Variants in IRF4 observed in about 807,000 individuals in gnomAD.
IRF4 encodes the protein interferon regulatory factor 4, also known as lymphocyte-specific interferon regulatory factor.
A neutral mutation model predicts 55.5 loss-of-function variants in IRF4; 13 were observed. That is an observed-to-expected ratio of 0.23 (90% confidence interval 0.15 to 0.37). The LOEUF is 0.37. Ranked by LOEUF, IRF4 falls within the 10% of genes least tolerant of loss-of-function variation. IRF4 has a pLI of 1.00. For missense variants in IRF4, 397 were observed against 593.8 expected, an observed-to-expected ratio of 0.67 and a Z score of 3.44; for synonymous variants, 249 against 240.7, an observed-to-expected ratio of 1.03 and a Z score of -0.32.
intron 5 of IRF4, among the ~76,000 whole-genome samples, chr6:398,302 G>A (rs567547636): frequency 7.9e-5 from 12 of 152,340 alleles, no homozygotes; most frequent in African/African-American, 2.2e-4. Context: ...AGTAAATGAA[G>A]CAGCAGCAAG....
rs1305265127 is a variant in IRF4 at position 408,812 on chromosome 6, C to T, written c.*1214C>T. The T allele has an allele frequency of 1.3e-5, 3 of 233,956 alleles. No homozygotes were observed. The Admixed American group carries it at 1.7e-4, about 13-fold the overall frequency. The allele number at this position is 233,956 out of a possible 1,614,324, so 14.5% of individuals were successfully genotyped here. A position where few individuals can be genotyped will look rare whatever the true frequency, so the allele number is the denominator to read the frequency against. ...ACCACTGGAAGCAGGATGGAGCTGA[C>T]TACGGAACTGCACACTCAGTGGGCT... On this transcript the variant is annotated 3_prime_UTR_variant, in exon 9 of 9. Transcript: ENST00000380956.
At chr6:400,834 T>G (rs1761377741) in intron 6 of IRF4, among the ~76,000 whole-genome samples, 1 of 152,108 alleles carries the variant, frequency 6.6e-6, no homozygotes, top group South Asian at 2.1e-4. Context: ...TTTACCTAAA[T>G]GATGTCATGT....
intron 3 of IRF4, among the ~76,000 whole-genome samples, 157 bp from the exon 4 acceptor site, chr6:395,690 A>T (rs1249071712): frequency 1.3e-5 from 2 of 152,266 alleles, no homozygotes; most frequent in Admixed American, 1.3e-4. Context: ...ATGAAAAAAT[A>T]ACTTCCCAAG....
chr6:392,713 T>C (rs1761139527), intron 1 of IRF4, among the ~76,000 whole-genome samples: 1 of 151,570 alleles, frequency 6.6e-6, no homozygotes, highest in Non-Finnish European at 1.5e-5. Context: ...AGAAGCGGGT[T>C]GGGAGTGAGC....
rs775948276 is a variant in IRF4 at position 405,037 on chromosome 6, C to G, written c.1119C>G (p.His373Gln). 2 of 1,613,674 alleles carry G rather than the reference C, an allele frequency of 1.2e-6. No individual in the cohort carries two copies. The highest frequency in any genetic ancestry group is 1.7e-6 in the Non-Finnish European group (2 of 1,179,594). ...CTACAGAGCTGCAAGCGTTTGCTCA[C>G]CACGGCCGCTCCCTGCCAAGATTCC... ...QFLSELQAFAHHGRSLPRFQV... is the reference protein window; with the variant it reads ...QFLSELQAFAQHGRSLPRFQV... The change falls in exon 8 of 9, where the codon CAC (histidine) becomes CAG (glutamine). Residue 373 changes from histidine (H) to glutamine (Q), a missense_variant. By Grantham distance (24) the His-to-Gln change is conservative. This residue lies in a region of IRF4 where 341 missense variants were observed against 548.1 expected (regional missense o/e 0.62). Coordinates refer to ENST00000380956, the MANE Select transcript of IRF4 (RefSeq NM_002460.4).
Position 401,784 on chromosome 6 carries a change from C to T in IRF4, c.1099+7C>T, listed in dbSNP as rs1157303018. 2.5e-6 allele frequency: 4 copies of T among 1,612,270 alleles called. No homozygotes were observed. The highest frequency in any genetic ancestry group is 3.4e-6 in the Non-Finnish European group (4 of 1,178,490). ...ACACAGCAGTTCTTGTCAGGTAAGG[C>T]ACCTCGTTATCTGTTAGAATGGAGG... On this transcript the variant is annotated splice_region_variant and intron_variant, in intron 7 of 8. Transcript: ENST00000380956.
chr6:409,799 C>T lies in IRF4; in HGVS notation c.*2201C>T. 1 of 225,146 alleles carries T rather than the reference C, an allele frequency of 4.4e-6. No individual in the cohort carries two copies. The highest frequency in any genetic ancestry group is 1.3e-3 in the Middle Eastern group (1 of 752). The allele number at this position is 225,146 out of a possible 1,614,324, so 13.9% of individuals were successfully genotyped here. A position where few individuals can be genotyped will look rare whatever the true frequency, so the allele number is the denominator to read the frequency against. On this transcript the variant is annotated 3_prime_UTR_variant, in exon 9 of 9. Transcript: ENST00000380956. ...CCACACAGCACTTCAAAGAAGCTGT[C>T]TTGGAAGTCTGTCTCAGGAGCACCC... is the stretch of plus-strand genomic sequence containing the variant.
chr6:408,349 C>T lies in IRF4; in HGVS notation c.*751C>T, dbSNP rs1561721363. 1.7e-5 allele frequency: 4 copies of T among 231,796 alleles called. No homozygotes were observed. The highest frequency in any genetic ancestry group is 8.8e-5 in the African/African-American group (4 of 45,254). 14.4% of individuals were successfully genotyped at this position (231,796 alleles called of 1,614,324 possible). A position where few individuals can be genotyped will look rare whatever the true frequency, so the allele number is the denominator to read the frequency against. Reference sequence around the variant, plus strand: ...AGCCTTGGGGAGGCCCATCCCCCACCTGCCAGCGGTTTCCTGGTGTGGGTC... The same window carrying T: ...AGCCTTGGGGAGGCCCATCCCCCACTTGCCAGCGGTTTCCTGGTGTGGGTC... On this transcript the variant is annotated 3_prime_UTR_variant, in exon 9 of 9. Transcript: ENST00000380956.
intron 6 of IRF4, among the ~76,000 whole-genome samples, chr6:399,280 C>T (rs889965300): frequency 6.6e-6 from 1 of 152,164 alleles, no homozygotes; most frequent in Non-Finnish European, 1.5e-5. Context: ...GGAATAATTG[C>T]TTGGAAGTGT....
chr6:396,851 C>T (rs1390632645), intron 4 of IRF4, among the ~76,000 whole-genome samples: 2 of 105,770 alleles, frequency 1.9e-5, no homozygotes, highest in South Asian at 4.2e-4. Context: ...CCTTTACCCC[C>T]GTCTCAATGC....
rs34318727 is a variant in IRF4, at chr6:397,261, G to A, written c.637+9G>A. On this transcript the variant is annotated intron_variant, in intron 5 of 8. Transcript: ENST00000380956. ...CCCAGCTTGTGAAAATGGTAAGGAG[G>A]ATACCAGTGCAGGAAATAGAAGAGC... 0.067 allele frequency: 108,214 copies of A among 1,613,628 alleles called. 3,854 individuals carry two copies. Among genetic ancestry groups the A allele is most frequent in the Middle Eastern group, 0.092 (555 of 6,054 alleles).
intron 8 of IRF4, 45 bp from the exon 9 acceptor site, chr6:407,410 T>C (rs747486362): frequency 2.6e-6 from 4 of 1,564,518 alleles, no homozygotes; most frequent in Non-Finnish European, 3.5e-6. Flanking sequence ...AGTGAGCCAG[T>C]TGCAGGATAT....
rs1366205637 is a variant in IRF4 at position 410,626 on chromosome 6, C to CG, written c.*3029dup. On this transcript the variant is annotated 3_prime_UTR_variant, in exon 9 of 9. Coordinates refer to ENST00000380956, the MANE Select transcript of IRF4 (RefSeq NM_002460.4). ...AACAACTCTGGGAGTCTTGGGTACT[C>CG]GCACCTCTTGGCTTTGTTGATGCTC... The CG allele has an allele frequency of 8.7e-6, 2 of 231,006 alleles. No individual in the cohort carries two copies. The highest frequency in any genetic ancestry group is 1.7e-5 in the Non-Finnish European group (2 of 116,696). 14.3% of individuals were successfully genotyped at this position (231,006 alleles called of 1,614,324 possible).
intron 6 of IRF4, among the ~76,000 whole-genome samples, chr6:399,502 TA>T (rs11428766): frequency 1.2e-4 from 18 of 144,340 alleles, no homozygotes; most frequent in East Asian, 2.0e-4. Context: ...GTTTTATTTC[TA>T]AAAAAAAAAA....
In IRF4 at chr6:408,468, T is replaced by C. The variant is rs1761610803; in HGVS notation, c.*870T>C. 1 of 229,924 alleles carries C rather than the reference T, an allele frequency of 4.3e-6. No homozygotes were observed. Among genetic ancestry groups the C allele is most frequent in the African/African-American group, 2.2e-5 (1 of 45,288 alleles). 14.2% of individuals were successfully genotyped at this position (229,924 alleles called of 1,614,324 possible). A position where few individuals can be genotyped will look rare whatever the true frequency, so the allele number is the denominator to read the frequency against. Reference sequence around the variant, plus strand: ...TCCTATTTTCTTGAGTCAAAAAACATGAGCGCTACTCTTGGATGGGACATT... The same window carrying C: ...TCCTATTTTCTTGAGTCAAAAAACACGAGCGCTACTCTTGGATGGGACATT... On this transcript the variant is annotated 3_prime_UTR_variant, in exon 9 of 9. Transcript: ENST00000380956.
Position 393,511 on chromosome 6 carries a change from C to G in IRF4, c.216+143C>G. 5.6e-6 allele frequency: 3 copies of G among 533,880 alleles called. No individual in the cohort carries two copies. In the South Asian group the frequency reaches 2.3e-4, roughly 40 times the overall value. 33.1% of individuals were successfully genotyped at this position (533,880 alleles called of 1,614,324 possible). ...CGGCGGAGGCATCAGGTGGCGTCGC[C>G]GGAGCCGCAGGAGGAGGAAAGGAGG... On this transcript the variant is annotated intron_variant, in intron 2 of 8. Coordinates refer to ENST00000380956, the MANE Select transcript of IRF4 (RefSeq NM_002460.4). This position sits in a 1 kb window ranked among gnomAD's most constrained non-coding sequence, Gnocchi z 5.4.
chr6:395,827 C>A lies in IRF4; in HGVS notation c.404-20C>A. On this transcript the variant is annotated intron_variant, in intron 3 of 8. Coordinates refer to ENST00000380956, the MANE Select transcript of IRF4 (RefSeq NM_002460.4). ...TCCTGTTTTTACGTTGTGCCATTTC[C>A]CTTTTCCCCAAACATGTAGGAGCCA... The A allele has an allele frequency of 6.3e-7, 1 of 1,598,914 alleles. No homozygotes were observed.
rs1409027533 is a variant in IRF4 at position 397,846 on chromosome 6, C to G, written c.637+594C>G. 7.9e-5 allele frequency among the ~76,000 whole-genome samples: 12 copies of G among 152,230 alleles called. 1 individual carries two copies. The highest frequency in any genetic ancestry group is 2.9e-4 in the African/African-American group (12 of 41,460). Reference sequence around the variant, plus strand: ...CTCATTAGCTGGGTGCAGGGAGAATCTAGCAATGCGGTAACTCAGGCCTTC... The same window carrying G: ...CTCATTAGCTGGGTGCAGGGAGAATGTAGCAATGCGGTAACTCAGGCCTTC... On this transcript the variant is annotated intron_variant, in intron 5 of 8. Transcript: ENST00000380956.
At position 394,963 on chromosome 6, in the gene IRF4, A is replaced by T; in HGVS notation, c.359A>T (p.Asp120Val). ...GAGCGGAGCCAGCTGGACATCTCAG[A>T]CCCGTACAAAGTGTACAGGATTGTT... ...LVERSQLDIS[D>V]PYKVYRIVPE... Residue 120 changes from aspartate to valine, a missense_variant, in exon 3 of 9, where the codon GAC (aspartate) becomes GTC (valine). Physicochemically the swap from Asp to Val is radical, Grantham distance 152. This residue lies in a region of IRF4 where 341 missense variants were observed against 548.1 expected (regional missense o/e 0.62). Coordinates refer to ENST00000380956, the MANE Select transcript of IRF4 (RefSeq NM_002460.4). 6.2e-7 allele frequency: 1 copy of T among 1,614,150 alleles called. No homozygotes were observed. Among genetic ancestry groups the T allele is most frequent in the Non-Finnish European group, 8.5e-7 (1 of 1,180,012 alleles).
Sources: allele counts gnomAD v4.1 joint callset (sites outside exome capture counted in the v4.1 genomes callset), GRCh38; gene constraint gnomAD v4.1.1; regional missense constraint gnomAD v4.1.1; non-coding constraint Gnocchi (gnomAD v3.1); transcripts MANE v1.5; gene names NCBI Gene and HGNC (gene_info 2026-07-23, HGNC 2026-07-21).